The following SCOC variants were observed in gnomAD, a reference collection of about 807,000 sequenced individuals.
SCOC encodes the protein short coiled-coil protein.
A neutral mutation model predicts 9.9 loss-of-function variants in SCOC; 7 were observed. The ratio of observed to expected loss-of-function variants is 0.71; its 90% CI spans 0.40 to 1.33. SCOC has a LOEUF of 1.33. Ranked by LOEUF, SCOC falls within the 40% of genes most tolerant of loss-of-function variation. The pLI, the probability that SCOC is intolerant of heterozygous loss-of-function variation, is 0.01. For synonymous variants in SCOC, 19 were observed against 28.2 expected (o/e 0.67, Z 1.03); for missense variants, 66 against 89.7 (o/e 0.74, Z 1.07).
At chr4:140,293,579 G>A (rs965143569) in intron 1 of SCOC, among the ~76,000 whole-genome samples, 1 of 152,198 alleles carries the variant, frequency 6.6e-6, no homozygotes, top group Non-Finnish European at 1.5e-5. Flanking sequence ...TCTTGGCCAG[G>A]CCAATGGGAA....
At chr4:140,323,376 C>A (rs747856505) in intron 1 of SCOC, among the ~76,000 whole-genome samples, 1 of 152,156 alleles carries the variant, frequency 6.6e-6, no homozygotes, top group South Asian at 2.1e-4. Context: ...GAATAGTGAG[C>A]CAAATAATCT....
chr4:140,296,555 T>C (rs1309214587), intron 1 of SCOC, among the ~76,000 whole-genome samples: 2 of 152,180 alleles, frequency 1.3e-5, no homozygotes, highest in African/African-American at 2.4e-5. Flanking sequence ...GAAAAGCCTC[T>C]CTCGCTGATG....
chr4:140,347,749 C>T (rs1726799680), intron 2 of SCOC, among the ~76,000 whole-genome samples: 1 of 152,132 alleles, frequency 6.6e-6, no homozygotes, highest in African/African-American at 2.4e-5. Context: ...TTTTTTTCCC[C>T]TACTTTTCTA....
intron 1 of SCOC, among the ~76,000 whole-genome samples, chr4:140,261,820 AG>A (rs1260519963): frequency 6.6e-5 from 10 of 152,156 alleles, no homozygotes; most frequent in Non-Finnish European, 1.2e-4. Context: ...GAGGTGTTGA[AG>A]GATATCCGGT....
intron 1 of SCOC, among the ~76,000 whole-genome samples, chr4:140,335,079 T>G (rs6850185): frequency 0.2 from 29,964 of 152,204 alleles, 3,839 homozygotes; most frequent in African/African-American, 0.36. Flanking sequence ...AATCTAGAAT[T>G]TCCTAATATT....
chr4:140,374,018 C>G, intron 1 of SCOC: 1 of 574,316 alleles, frequency 1.7e-6, no homozygotes, highest in Non-Finnish European at 3.3e-6. Flanking sequence ...GCTCCTGGGT[C>G]GGGAGCCGCT....
At chr4:140,353,227 C>T (rs1331424857) in intron 2 of SCOC, among the ~76,000 whole-genome samples, 2 of 152,100 alleles carry the variant, frequency 1.3e-5, no homozygotes, top group African/African-American at 2.4e-5. Flanking sequence ...CCAGATGAAT[C>T]AGCTTCTATT....
intron 1 of SCOC, among the ~76,000 whole-genome samples, chr4:140,313,898 C>T (rs1012891498): frequency 2.6e-5 from 4 of 151,862 alleles, no homozygotes; most frequent in African/African-American, 7.3e-5. Context: ...GAGGCTGAGG[C>T]GGGTGGCTCA....
intron 2 of SCOC, chr4:140,343,758 G>A: frequency 7.8e-7 from 1 of 1,274,604 alleles, no homozygotes. Context: ...CAACAGCTCA[G>A]TTTTTTAAAA....
intron 1 of SCOC, chr4:140,373,920 CCT>C (rs1560729078): frequency 4.2e-6 from 3 of 709,546 alleles, no homozygotes; most frequent in Non-Finnish European, 7.6e-6. Context: ...CTCTTTTTCT[CCT>C]GTTTTCGTTG....
intron 2 of SCOC, among the ~76,000 whole-genome samples, chr4:140,353,222 T>A (rs1349629464): frequency 1.3e-5 from 2 of 152,196 alleles, no homozygotes; most frequent in East Asian, 3.9e-4. Context: ...ACAAACCAGA[T>A]GAATCAGCTT....
chr4:140,266,004 C>T (rs1050222895), intron 1 of SCOC, among the ~76,000 whole-genome samples: 2 of 152,180 alleles, frequency 1.3e-5, no homozygotes, highest in Non-Finnish European at 2.9e-5. Flanking sequence ...AGGGCTGTCT[C>T]CCCAGCTGAA....
chr4:140,355,315 G>A (rs1378841538), intron 2 of SCOC, among the ~76,000 whole-genome samples: 1 of 149,894 alleles, frequency 6.7e-6, no homozygotes, highest in Non-Finnish European at 1.5e-5. Context: ...GGTGCATAAT[G>A]ATAATAAGCA....
chr4:140,346,138 G>T (rs1002935683), intron 2 of SCOC, among the ~76,000 whole-genome samples: 1 of 152,132 alleles, frequency 6.6e-6, no homozygotes, highest in Non-Finnish European at 1.5e-5. Context: ...TACAGTTTCT[G>T]CATGGATATT....
chr4:140,310,140 T>C (rs551103245), intron 1 of SCOC, among the ~76,000 whole-genome samples: 1 of 152,248 alleles, frequency 6.6e-6, no homozygotes, highest in Non-Finnish European at 1.5e-5. Flanking sequence ...TAAATTCTTA[T>C]GCTTTATATT....
chr4:140,271,002 C>T (rs759558328), intron 1 of SCOC, among the ~76,000 whole-genome samples: 6 of 152,152 alleles, frequency 3.9e-5, no homozygotes, highest in Non-Finnish European at 7.4e-5. Context: ...CTATTCTGTT[C>T]TTCATCGAGC....
chr4:140,289,987 T>C (rs925694927), intron 1 of SCOC, among the ~76,000 whole-genome samples: 7 of 152,226 alleles, frequency 4.6e-5, no homozygotes, highest in Non-Finnish European at 1.0e-4. Context: ...TATATGTCCA[T>C]TGACATGCCT....
intron 1 of SCOC, chr4:140,284,770 CAA>C (rs34770368): frequency 0.075 from 5,904 of 78,840 alleles, 224 homozygotes; most frequent in African/African-American, 0.2. Flanking sequence ...CTATTTCTTT[CAA>C]AAAAAAAAAA....
At chr4:140,355,211 T>TATATATA (rs60752527) in intron 2 of SCOC, among the ~76,000 whole-genome samples, 32 of 61,384 alleles carry the variant, frequency 5.2e-4, no homozygotes, top group Admixed American at 7.7e-4. Context: ...CATTATATTT[T>TATATATA]TATATATATA....
Sources: allele counts gnomAD v4.1 joint callset (sites outside exome capture counted in the v4.1 genomes callset), GRCh38; gene constraint gnomAD v4.1.1; transcripts MANE v1.5; gene names NCBI Gene and HGNC (gene_info 2026-07-23, HGNC 2026-07-21).